Variants in PEAK1 observed in about 807,000 individuals in gnomAD.
PEAK1 encodes inactive tyrosine-protein kinase PEAK1.
In PEAK1, 54 loss-of-function variants were observed where a neutral mutation model predicts 124.7. That is an observed-to-expected ratio of 0.43 (90% CI 0.35 to 0.54). PEAK1 has a LOEUF of 0.54. Ranked by LOEUF, PEAK1 falls within the 20% of genes least tolerant of loss-of-function variation. The pLI, the probability that PEAK1 is intolerant of heterozygous loss-of-function variation, is 0.01. For missense variants in PEAK1, 2,046 were observed against 2,134.5 expected, an observed-to-expected ratio of 0.96 and a Z score of 0.82; for synonymous variants, 719 against 760.0, an observed-to-expected ratio of 0.95 and a Z score of 0.89.
intron 6 of PEAK1, among the ~76,000 whole-genome samples, chr15:77,243,069 GA>G: frequency 6.6e-6 from 1 of 152,296 alleles, no homozygotes; most frequent in Middle Eastern, 3.4e-3. Context: ...TGTTAATTAT[GA>G]AAGTCACAAT....
intron 6 of PEAK1, among the ~76,000 whole-genome samples, chr15:77,195,133 G>A (rs1054296219): frequency 6.6e-6 from 1 of 151,836 alleles, no homozygotes; most frequent in African/African-American, 2.4e-5. Flanking sequence ...GAGAAAAAAA[G>A]CACCCTAAAT....
intron 2 of PEAK1, among the ~76,000 whole-genome samples, chr15:77,309,948 T>A (rs1201453709): frequency 2.0e-5 from 3 of 152,184 alleles, no homozygotes; most frequent in African/African-American, 7.2e-5. Flanking sequence ...GGAGAAAAAC[T>A]GTTTAGGGAG....
At chr15:77,363,396 CTA>C (rs1597445942) in intron 2 of PEAK1, among the ~76,000 whole-genome samples, 1 of 152,186 alleles carries the variant, frequency 6.6e-6, no homozygotes, top group East Asian at 1.9e-4. Context: ...CCTTAGGCAA[CTA>C]TGGAGAGGCC....
intron 6 of PEAK1, among the ~76,000 whole-genome samples, chr15:77,215,705 C>T (rs890249350): frequency 3.3e-5 from 5 of 152,120 alleles, no homozygotes; most frequent in East Asian, 1.9e-4. Flanking sequence ...GACATTTAAA[C>T]GATAACTTCT....
At chr15:77,216,218 T>G (rs1032537561) in intron 6 of PEAK1, among the ~76,000 whole-genome samples, 1 of 152,238 alleles carries the variant, frequency 6.6e-6, no homozygotes, top group Non-Finnish European at 1.5e-5. Context: ...TAATTTCCCT[T>G]TGGAACGTTT....
intron 2 of PEAK1, among the ~76,000 whole-genome samples, chr15:77,322,391 TA>T (rs896945374): frequency 7.3e-5 from 11 of 151,452 alleles, no homozygotes; most frequent in African/African-American, 2.7e-4. Context: ...GCTAGACTAA[TA>T]AAGAAGAAAA....
At chr15:77,336,734 A>G (rs1427853498) in intron 2 of PEAK1, among the ~76,000 whole-genome samples, 1 of 152,218 alleles carries the variant, frequency 6.6e-6, no homozygotes, top group Non-Finnish European at 1.5e-5. Context: ...ATGGAGTTGA[A>G]TACACCCAAG....
intron 1 of PEAK1, among the ~76,000 whole-genome samples, chr15:77,408,022 T>C (rs890301666): frequency 6.6e-6 from 1 of 150,956 alleles, no homozygotes; most frequent in Admixed American, 6.6e-5. Context: ...TATACACATA[T>C]ATACACACAT....
chr15:77,283,811 T>C (rs2152970754), intron 5 of PEAK1, 72 bp downstream of exon 5: 1 of 721,382 alleles, frequency 1.4e-6, no homozygotes, highest in East Asian at 1.3e-4. Context: ...ATTATGCTTA[T>C]TCTTAATCCA....
intron 1 of PEAK1, among the ~76,000 whole-genome samples, chr15:77,378,788 G>A (rs1398899307): frequency 6.6e-6 from 1 of 152,154 alleles, no homozygotes; most frequent in Non-Finnish European, 1.5e-5. Context: ...CGAAATCTGA[G>A]TCAAACTACA....
At position 77,180,722 on chromosome 15, in the gene PEAK1, G is replaced by A. The variant is rs756124454; in HGVS notation, c.1205C>T (p.Ala402Val). Residue 402 changes from alanine (A) to valine (V), a missense_variant, in exon 7 of 10, where the codon GCT becomes GTT. Physicochemically the swap from Ala to Val is moderately conservative, Grantham distance 64 (BLOSUM62 0). Coordinates refer to ENST00000682557, the MANE Select transcript of PEAK1 (RefSeq NM_001385026.1). ...SNNQDKDSSQ[A>V]SKSSIKVPET... ...TGGAACTTTTATTGAGCTTTTGGAA[G>A]CCTGTGATGAATCTTTATCCTGATT... is the stretch of plus-strand genomic sequence containing the variant. The A allele has an allele frequency of 1.2e-6, 2 of 1,613,844 alleles. No homozygotes were observed. The highest frequency in any genetic ancestry group is 1.7e-5 in the Admixed American group (1 of 59,948).
In PEAK1 at chr15:77,182,040, T is replaced by C; in HGVS notation, c.-114A>G. 7.0e-7 allele frequency: 1 copy of C among 1,433,752 alleles called. No individual in the cohort carries two copies. Among genetic ancestry groups the C allele is most frequent in the Non-Finnish European group, 9.1e-7 (1 of 1,099,292 alleles). The allele number at this position is 1,433,752 out of a possible 1,614,324, so 88.8% of individuals were successfully genotyped here. On this transcript the variant is annotated splice_region_variant and 5_prime_UTR_variant, in exon 7 of 10. It removes the in-frame stop codon of an upstream open reading frame in the 5' UTR. Coordinates refer to ENST00000682557, the MANE Select transcript of PEAK1 (RefSeq NM_001385026.1). ...CAGCAGCTCTTCTAAGAATGATCAA[T>C]CTGTGGAGGGGAAAAGAAGACAAAA...
At chr15:77,167,638 A>C (rs995428976) in intron 7 of PEAK1, among the ~76,000 whole-genome samples, 2 of 152,206 alleles carry the variant, frequency 1.3e-5, no homozygotes, top group African/African-American at 4.8e-5. Flanking sequence ...TTTTCTCTTT[A>C]TGAGAAGTAG....
At chr15:77,283,248 T>G (rs2062761528) in intron 5 of PEAK1, among the ~76,000 whole-genome samples, 2 of 152,208 alleles carry the variant, frequency 1.3e-5, no homozygotes, top group African/African-American at 4.8e-5. Context: ...CCTTTGCTGT[T>G]TTCCTTATTT....
intron 1 of PEAK1, among the ~76,000 whole-genome samples, chr15:77,378,123 G>T (rs2069175730): frequency 6.6e-6 from 1 of 151,322 alleles, no homozygotes; most frequent in Admixed American, 6.6e-5. Context: ...AGAAAACTAT[G>T]CCTGACTATC....
At chr15:77,195,786 A>T (rs1205623332) in intron 6 of PEAK1, among the ~76,000 whole-genome samples, 1 of 152,244 alleles carries the variant, frequency 6.6e-6, no homozygotes, top group Non-Finnish European at 1.5e-5. Flanking sequence ...AATCAGGCCT[A>T]TTCAATGAAT....
chr15:77,296,193 G>C (rs1222005934), intron 2 of PEAK1, among the ~76,000 whole-genome samples: 1 of 152,170 alleles, frequency 6.6e-6, no homozygotes, highest in African/African-American at 2.4e-5. Context: ...AAGAGGTAAG[G>C]ATGCCTTATC....
chr15:77,200,201 A>G (rs1319234260), intron 6 of PEAK1, among the ~76,000 whole-genome samples: 15 of 152,224 alleles, frequency 9.9e-5, no homozygotes, highest in Admixed American at 9.8e-4. Flanking sequence ...ACTTTCACTT[A>G]GTCAATAGTA....
At chr15:77,290,588 C>A (rs1032603228) in intron 2 of PEAK1, among the ~76,000 whole-genome samples, 2 of 151,590 alleles carry the variant, frequency 1.3e-5, no homozygotes, top group Non-Finnish European at 2.9e-5. Context: ...GTTGCCCAGA[C>A]TGGCAGACTG....
Sources: gnomAD v4.1 joint callset for allele counts (sites outside exome capture counted in the v4.1 genomes callset) on GRCh38, gnomAD v4.1.1 for gene constraint, MANE v1.5 for transcripts, NCBI Gene and HGNC (gene_info 2026-07-23, HGNC 2026-07-21) for gene names.